The following CIITA variants were observed in gnomAD, a reference collection of about 807,000 sequenced individuals.
CIITA encodes the protein MHC class II transactivator.
Under a neutral mutation model 115.1 loss-of-function variants are expected in CIITA, and 72 were observed. That is an observed-to-expected ratio of 0.63 (90% confidence interval 0.52 to 0.76). The LOEUF is 0.76. Ranked by LOEUF, CIITA falls within the 30% of genes least tolerant of loss-of-function variation. The pLI, the probability that CIITA is intolerant of heterozygous loss-of-function variation, is 0.00. For synonymous variants in CIITA, 763 were observed against 635.6 expected (o/e 1.20, Z -3.02); for missense variants, 1,617 against 1,463.8 (o/e 1.10, Z -1.71).
chr16:10,911,208 TTTC>T (rs1451903736), intron 13 of CIITA, among the ~76,000 whole-genome samples: 3 of 101,956 alleles, frequency 2.9e-5, no homozygotes, highest in South Asian at 4.4e-4. Context: ...CTTTCTTTCC[TTTC>T]TTCTCTCTTT....
At chr16:10,921,720 C>G (rs949338497) in intron 16 of CIITA, among the ~76,000 whole-genome samples, 1 of 152,176 alleles carries the variant, frequency 6.6e-6, no homozygotes, top group Non-Finnish European at 1.5e-5. Flanking sequence ...TCCTTTTAGT[C>G]CTGCTGTTTT....
In CIITA at chr16:10,929,537, C is replaced by T. The variant is rs1445679621; in HGVS notation, c.*5682C>T. ...TCAAACAGGAACCTCTCTGTTGGCA[C>T]GAAGCTTTTGAGGGGAGCAGGTCTA... On this transcript the variant is annotated 3_prime_UTR_variant, in exon 20 of 20. Coordinates refer to ENST00000324288, the MANE Select transcript of CIITA (RefSeq NM_000246.4). This position sits in a 1 kb window ranked among gnomAD's most constrained non-coding sequence, Gnocchi z 4.3. 7.1e-6 allele frequency: 7 copies of T among 985,346 alleles called. No individual in the cohort carries two copies. Among genetic ancestry groups the T allele is most frequent in the Non-Finnish European group, 8.4e-6 (7 of 829,976 alleles). 61.0% of individuals were successfully genotyped at this position (985,346 alleles called of 1,614,324 possible). A position where few individuals can be genotyped will look rare whatever the true frequency, so the allele number is the denominator to read the frequency against.
Position 10,898,839 on chromosome 16 carries a change from C to G in CIITA, c.359-86C>G, listed in dbSNP as rs1261858046. The stretch of plus-strand genomic sequence containing the variant: ...GACCATTCATTGATGGGCAGTCAGA[C>G]CCCTCTCCCCAAGGTGGGTACAATA... On this transcript the variant is annotated intron_variant, in intron 4 of 19. Transcript: ENST00000324288. 3 of 1,591,018 alleles carry G rather than the reference C, an allele frequency of 1.9e-6. No individual in the cohort carries two copies. The African/African-American group carries it at 4.0e-5, about 21-fold the overall frequency.
At chr16:10,912,938 A>C (rs1567433718) in intron 13 of CIITA, among the ~76,000 whole-genome samples, 2 of 152,246 alleles carry the variant, frequency 1.3e-5, no homozygotes, top group Non-Finnish European at 2.9e-5. Flanking sequence ...TGTAGACCTC[A>C]TCTGTCTGTC....
At chr16:10,885,651 C>A (rs182664920) in intron 1 of CIITA, among the ~76,000 whole-genome samples, 3 of 152,194 alleles carry the variant, frequency 2.0e-5, no homozygotes, top group Non-Finnish European at 2.9e-5. Flanking sequence ...GCTCCTCCCC[C>A]ATCCTGCTCC....
intron 1 of CIITA, among the ~76,000 whole-genome samples, chr16:10,882,521 G>A (rs147574007): frequency 3.9e-4 from 60 of 152,274 alleles, no homozygotes; most frequent in African/African-American, 1.4e-3. Context: ...TTGAGACCAG[G>A]AGTTCAAGAC....
intron 15 of CIITA, among the ~76,000 whole-genome samples, chr16:10,918,136 T>C (rs1813586297): frequency 6.6e-6 from 1 of 152,154 alleles, no homozygotes; most frequent in Non-Finnish European, 1.5e-5. Flanking sequence ...TACACAGCCA[T>C]TAAACAAATA....
chr16:10,922,739 C>T (rs1243883823), intron 18 of CIITA, among the ~76,000 whole-genome samples: 1 of 152,210 alleles, frequency 6.6e-6, no homozygotes, highest in Non-Finnish European at 1.5e-5. Flanking sequence ...GTAGCTGGCA[C>T]ACAAAAATGC....
At chr16:10,908,215 G>A in intron 11 of CIITA, 66 bp downstream of exon 11, 1 of 1,529,548 alleles carries the variant, frequency 6.5e-7, no homozygotes, top group Non-Finnish European at 8.9e-7. Context: ...TTGGTGCCAA[G>A]CCCAGTGCTC....
intron 10 of CIITA, 126 bp from the exon 11 acceptor site, chr16:10,906,373 A>T: frequency 8.3e-7 from 1 of 1,207,226 alleles, no homozygotes; most frequent in Middle Eastern, 2.7e-4. Flanking sequence ...ACAAAACAAA[A>T]CAAACAAACA....
At position 10,901,926 on chromosome 16, in the gene CIITA, A is replaced by C; in HGVS notation, c.482-112A>C. The C allele has an allele frequency of 1.4e-6, 2 of 1,437,446 alleles. No individual in the cohort carries two copies. Among genetic ancestry groups the C allele is most frequent in the Non-Finnish European group, 1.9e-6 (2 of 1,032,138 alleles). The allele number at this position is 1,437,446 out of a possible 1,614,324, so 89.0% of individuals were successfully genotyped here. A position where few individuals can be genotyped will look rare whatever the true frequency, so the allele number is the denominator to read the frequency against. ...CACAGCTGCAGCCAGGGCTGAGAAG[A>C]TGACAAGCATTTCCTCTGTCAGGAG... On this transcript the variant is annotated intron_variant, in intron 6 of 19. Transcript: ENST00000324288. The surrounding 1 kb of genome is among the most constrained non-coding windows in gnomAD (Gnocchi z 6.8).
chr16:10,893,863 T>C (rs2037849930), intron 1 of CIITA, among the ~76,000 whole-genome samples: 1 of 132,040 alleles, frequency 7.6e-6, no homozygotes, highest in Non-Finnish European at 1.6e-5. Context: ...TTGGGAATAC[T>C]CAGAGAGTTG....
intron 9 of CIITA, 81 bp downstream of exon 9, chr16:10,903,976 C>T (rs1399829167): frequency 6.3e-7 from 1 of 1,583,292 alleles, no homozygotes; most frequent in Non-Finnish European, 8.7e-7. Context: ...ATAAGATCCA[C>T]AAGCAAAGCT....
rs181710482 is a variant in CIITA at position 10,908,031 on chromosome 16, G to C, written c.2539G>C (p.Val847Leu). ...CCGCCTCACGCCTCCTGATGCACAT[G>C]TACTGGGCAAGGCCTTGGAGGCGGC... ...GTRLTPPDAH[V>L]LGKALEAAGQ... Residue 847 changes from valine (V) to leucine (L), a missense_variant, in exon 11 of 20, where the codon GTA becomes CTA. Val to Leu is a conservative substitution (Grantham distance 32). Coordinates refer to ENST00000324288, the MANE Select transcript of CIITA (RefSeq NM_000246.4). 2 of 1,612,450 alleles carry C rather than the reference G, an allele frequency of 1.2e-6. No individual in the cohort carries two copies. The highest frequency in any genetic ancestry group is 4.5e-5 in the East Asian group (2 of 44,812).
At position 10,941,826 on chromosome 16, in the gene CIITA, G is replaced by C. The variant is rs1466089642; in HGVS notation, n.952G>C. ...CCACGAGCGCCTGGTCCATGTCCTC[G>C]GGCAGGAAGACGAGGCCCACGTTGA... is the stretch of plus-strand genomic sequence containing the variant. On this transcript the variant is annotated non_coding_transcript_exon_variant, in exon 2 of 2. Transcript: ENST00000573379. The surrounding 1 kb of genome is among the most constrained non-coding windows in gnomAD (Gnocchi z 6.4). 12 of 1,613,494 alleles carry C rather than the reference G, an allele frequency of 7.4e-6. No homozygotes were observed. Among genetic ancestry groups the C allele is most frequent in the African/African-American group, 1.3e-5 (1 of 75,054 alleles).
At chr16:10,915,445 T>G (rs1596588695) in intron 13 of CIITA, 125 bp from the exon 14 acceptor site, 2 of 755,142 alleles carry the variant, frequency 2.6e-6, no homozygotes, top group Non-Finnish European at 2.4e-6. Flanking sequence ...GAGGCTGGGG[T>G]GGAAGGGAAG....
At chr16:10,902,930 C>A in intron 8 of CIITA, 129 bp downstream of exon 8, 2 of 1,145,514 alleles carry the variant, frequency 1.7e-6, no homozygotes, top group Non-Finnish European at 1.3e-6. Flanking sequence ...CCCTCCCCAG[C>A]ACAACTTTCT....
chr16:10,901,581 G>C lies in CIITA; in HGVS notation c.481+23G>C. On this transcript the variant is annotated intron_variant, in intron 6 of 19. Coordinates refer to ENST00000324288, the MANE Select transcript of CIITA (RefSeq NM_000246.4). This position sits in a 1 kb window ranked among gnomAD's most constrained non-coding sequence, Gnocchi z 6.8. ...CAGGTGTGCAGGGCAGGTGGGCTGGGGTTGGGAAGGGTGGATGCCTTGGGG... is the reference window on the plus strand; with the variant it reads ...CAGGTGTGCAGGGCAGGTGGGCTGGCGTTGGGAAGGGTGGATGCCTTGGGG... 1 of 1,612,716 alleles carries C rather than the reference G, an allele frequency of 6.2e-7. No individual in the cohort carries two copies. The highest frequency in any genetic ancestry group is 8.5e-7 in the Non-Finnish European group (1 of 1,179,358).
intron 5 of CIITA, among the ~76,000 whole-genome samples, chr16:10,899,533 G>A (rs1044697865): frequency 4.6e-5 from 7 of 152,212 alleles, no homozygotes; most frequent in Admixed American, 2.6e-4. Context: ...CATATTTTAC[G>A]CCTTGCTCTC....
Sources: gnomAD v4.1 joint callset for allele counts (sites outside exome capture counted in the v4.1 genomes callset) on GRCh38, gnomAD v4.1.1 for gene constraint, Gnocchi (gnomAD v3.1) non-coding constraint, MANE v1.5 for transcripts, NCBI Gene and HGNC (gene_info 2026-07-23, HGNC 2026-07-21) for gene names.